Variants in REDIC1 observed in about 807,000 individuals in gnomAD.
REDIC1 encodes the protein regulator of DNA class I crossover intermediates 1.
the REDIC1 span, among the ~76,000 whole-genome samples, chr12:39,893,147 T>C: frequency 6.6e-6 from 1 of 152,178 alleles, no homozygotes; most frequent in African/African-American, 2.4e-5. Context: ...TTATCAAAAA[T>C]AAGAAAGCAA....
the REDIC1 span, among the ~76,000 whole-genome samples, chr12:39,853,684 A>C: frequency 6.6e-6 from 1 of 151,060 alleles, no homozygotes; most frequent in African/African-American, 2.4e-5. Flanking sequence ...GTGTTTCATC[A>C]AGCTATCTTC....
the REDIC1 span, among the ~76,000 whole-genome samples, chr12:39,903,034 G>A: frequency 2.0e-3 from 298 of 152,256 alleles, 2 homozygotes; most frequent in African/African-American, 6.6e-3. Context: ...CTCAGGAGAT[G>A]AGTAATATGA....
chr12:39,634,868 A>T, the REDIC1 span, among the ~76,000 whole-genome samples: 1 of 152,176 alleles, frequency 6.6e-6, no homozygotes, highest in Non-Finnish European at 1.5e-5. Context: ...AATGGGAAAA[A>T]ATTTTTGCTA....
chr12:39,655,928 A>G, the REDIC1 span, among the ~76,000 whole-genome samples: 1 of 151,462 alleles, frequency 6.6e-6, no homozygotes, highest in African/African-American at 2.4e-5. Flanking sequence ...GGGGGAGAGT[A>G]TTTGCCAAAT....
the REDIC1 span, among the ~76,000 whole-genome samples, chr12:39,768,687 G>A: frequency 1.1e-4 from 16 of 151,968 alleles, no homozygotes; most frequent in Non-Finnish European, 1.8e-4. Flanking sequence ...TACGGGTGCA[G>A]TTTGTGATGC....
the REDIC1 span, among the ~76,000 whole-genome samples, chr12:39,659,693 T>TA: frequency 6.6e-6 from 1 of 152,154 alleles, no homozygotes; most frequent in African/African-American, 2.4e-5. Context: ...ATGATAACTT[T>TA]TAATGTACTT....
chr12:39,840,654 C>A, the REDIC1 span, among the ~76,000 whole-genome samples: 1 of 151,986 alleles, frequency 6.6e-6, no homozygotes, highest in Non-Finnish European at 1.5e-5. Flanking sequence ...TTCCTCTATG[C>A]AACTTCCTGA....
At chr12:39,750,400 T>A in the REDIC1 span, among the ~76,000 whole-genome samples, 1 of 152,080 alleles carries the variant, frequency 6.6e-6, no homozygotes, top group South Asian at 2.1e-4. Flanking sequence ...CACTGCTCAA[T>A]GAAACAAAAG....
chr12:39,709,621 C>T, the REDIC1 span, among the ~76,000 whole-genome samples: 1 of 151,400 alleles, frequency 6.6e-6, no homozygotes, highest in Non-Finnish European at 1.5e-5. Context: ...GCTTGTTTCA[C>T]TTAGCATAAT....
the REDIC1 span, chr12:39,720,920 A>C: frequency 6.2e-7 from 1 of 1,613,786 alleles, no homozygotes; most frequent in South Asian, 1.1e-5. Context: ...ATTGTTAAAA[A>C]CGATGACAAA....
At chr12:39,685,842 G>T in the REDIC1 span, among the ~76,000 whole-genome samples, 1 of 152,222 alleles carries the variant, frequency 6.6e-6, no homozygotes, top group Non-Finnish European at 1.5e-5. Context: ...CAAGCATTGG[G>T]TAAATATTTA....
the REDIC1 span, among the ~76,000 whole-genome samples, chr12:39,839,549 GT>G: frequency 0.014 from 2,135 of 151,948 alleles, 39 homozygotes; most frequent in African/African-American, 0.047. Context: ...TTATCATTTG[GT>G]GATAAGATTT....
chr12:39,678,631 A>T, the REDIC1 span, among the ~76,000 whole-genome samples: 2 of 3,846 alleles, frequency 5.2e-4, no homozygotes, highest in Non-Finnish European at 1.5e-3. Context: ...AGGCATAACA[A>T]AAAAAAAAAA....
chr12:39,770,080 G>A, the REDIC1 span, among the ~76,000 whole-genome samples: 4 of 151,970 alleles, frequency 2.6e-5, no homozygotes, highest in East Asian at 7.7e-4. Flanking sequence ...TGACCTATAT[G>A]TATTCATTGC....
the REDIC1 span, chr12:39,871,647 TTTC>T: frequency 1.5e-6 from 1 of 669,468 alleles, no homozygotes; most frequent in Non-Finnish European, 2.2e-6. Flanking sequence ...CTCTTTTTTT[TTTC>T]TTTTTTGGTC....
At chr12:39,744,251 T>A in the REDIC1 span, among the ~76,000 whole-genome samples, 1 of 152,100 alleles carries the variant, frequency 6.6e-6, no homozygotes, top group African/African-American at 2.4e-5. Flanking sequence ...AAAGTAAAGG[T>A]GAAATAAAGG....
the REDIC1 span, chr12:39,754,401 C>T: frequency 1.3e-5 from 2 of 152,186 alleles, no homozygotes; most frequent in South Asian, 2.1e-4. Flanking sequence ...TTTGCCTTAC[C>T]TGCTGACGTT....
the REDIC1 span, chr12:39,830,080 G>T: frequency 2.5e-6 from 4 of 1,612,778 alleles, no homozygotes; most frequent in Non-Finnish European, 2.5e-6. Context: ...TTATATATTC[G>T]TATGGTAAAA....
At chr12:39,848,771 T>C in the REDIC1 span, among the ~76,000 whole-genome samples, 2 of 152,086 alleles carry the variant, frequency 1.3e-5, no homozygotes, top group African/African-American at 4.8e-5. Flanking sequence ...GGACTCAACA[T>C]AAATGCCCTT....
Sources: gnomAD v4.1 joint callset for allele counts (sites outside exome capture counted in the v4.1 genomes callset) on GRCh38, gnomAD v4.1.1 for gene constraint, MANE v1.5 for transcripts, NCBI Gene and HGNC (gene_info 2026-07-23, HGNC 2026-07-21) for gene names.